Variants in NLGN4X observed in about 807,000 individuals in gnomAD.
NLGN4X encodes neuroligin 4 X-linked.
Under a neutral mutation model 40.3 loss-of-function variants are expected in NLGN4X, and 3 were observed. That is an observed-to-expected ratio of 0.07 (90% confidence interval 0.03 to 0.19). The LOEUF is 0.19. Ranked by LOEUF, NLGN4X falls within the 10% of genes least tolerant of loss-of-function variation. NLGN4X has a pLI of 1.00. For synonymous variants in NLGN4X, 270 were observed against 306.8 expected (o/e 0.88, Z 1.25); for missense variants, 382 against 708.3 (o/e 0.54, Z 5.23).
intron 2 of NLGN4X, among the ~76,000 whole-genome samples, chrX:6,141,672 A>G (rs1000225860): frequency 1.8e-5 from 2 of 109,593 alleles, no homozygotes; most frequent in African/African-American, 3.3e-5. Flanking sequence ...TACAAAAATT[A>G]CCTGGGTGTG....
intron 2 of NLGN4X, among the ~76,000 whole-genome samples, chrX:6,031,302 C>T (rs2036851574): frequency 9.0e-6 from 1 of 111,591 alleles, no homozygotes; most frequent in African/African-American, 3.3e-5. Context: ...GATAAAATGT[C>T]AGGCATTCAG....
intron 1 of NLGN4X, among the ~76,000 whole-genome samples, chrX:6,176,889 T>C (rs1920961714): frequency 8.9e-6 from 1 of 111,820 alleles, no homozygotes; most frequent in African/African-American, 3.3e-5. Context: ...ATACTAATGG[T>C]AACTATCAGG....
chrX:6,083,624 A>G (rs1178622182), intron 2 of NLGN4X, among the ~76,000 whole-genome samples: 1 of 112,153 alleles, frequency 8.9e-6, no homozygotes, highest in Admixed American at 9.4e-5. Context: ...ACAGGAAGAC[A>G]GCACATAGCT....
At chrX:6,050,617 ATATC>A (rs2037462092) in intron 2 of NLGN4X, among the ~76,000 whole-genome samples, 2 of 110,042 alleles carry the variant, frequency 1.8e-5, no homozygotes, top group African/African-American at 6.6e-5. Context: ...CTATCTACCT[ATATC>A]TATCATCTCT....
intron 2 of NLGN4X, among the ~76,000 whole-genome samples, chrX:6,127,691 C>T (rs954099075): frequency 5.3e-5 from 6 of 112,252 alleles, no homozygotes; most frequent in African/African-American, 1.6e-4. Context: ...ATGAGATTCC[C>T]ACCTCATTTC....
chrX:6,207,160 T>A (rs184907083), intron 1 of NLGN4X, among the ~76,000 whole-genome samples: 2 of 111,602 alleles, frequency 1.8e-5, no homozygotes, highest in Admixed American at 9.6e-5. Flanking sequence ...TTTATCATCA[T>A]ACAAAAATGA....
intron 4 of NLGN4X, among the ~76,000 whole-genome samples, chrX:5,906,345 G>C (rs1208423508): frequency 9.0e-6 from 1 of 111,436 alleles, no homozygotes; most frequent in Non-Finnish European, 1.9e-5. Context: ...AAAACATTAT[G>C]AACTAAAAAC....
chrX:5,952,060 T>C (rs1488526091), intron 3 of NLGN4X, among the ~76,000 whole-genome samples: 3 of 112,123 alleles, frequency 2.7e-5, no homozygotes, highest in Admixed American at 9.5e-5. Flanking sequence ...GGCCATTTTT[T>C]AGAAACATTA....
At chrX:6,200,930 G>T (rs981646973) in intron 1 of NLGN4X, among the ~76,000 whole-genome samples, 1 of 109,682 alleles carries the variant, frequency 9.1e-6, no homozygotes, top group Admixed American at 9.8e-5. Context: ...GAACTCCTGG[G>T]ATCAAGCAGT....
intron 1 of NLGN4X, among the ~76,000 whole-genome samples, chrX:6,163,672 C>G (rs1479182854): frequency 8.9e-6 from 1 of 111,919 alleles, no homozygotes; most frequent in Non-Finnish European, 1.9e-5. Flanking sequence ...GGCCAGAGGA[C>G]TTCTGTAAAG....
intron 3 of NLGN4X, among the ~76,000 whole-genome samples, chrX:5,948,767 G>T (rs144048483): frequency 0.017 from 1,889 of 111,818 alleles, 39 homozygotes; most frequent in African/African-American, 0.059. Context: ...CCATAATGTG[G>T]GGCTTCAAAC....
At chrX:5,905,498 AG>A (rs2032125689) in intron 4 of NLGN4X, among the ~76,000 whole-genome samples, 1 of 112,025 alleles carries the variant, frequency 8.9e-6, no homozygotes, top group Non-Finnish European at 1.9e-5. Flanking sequence ...ATTATTATTG[AG>A]TAAATACATA....
At chrX:6,050,190 T>C (rs2037446305) in intron 2 of NLGN4X, among the ~76,000 whole-genome samples, 1 of 112,004 alleles carries the variant, frequency 8.9e-6, no homozygotes, top group Admixed American at 9.4e-5. Context: ...CAACAATTAA[T>C]TCAATAATCA....
chrX:6,172,264 T>A (rs2040622893), intron 1 of NLGN4X, among the ~76,000 whole-genome samples: 1 of 112,242 alleles, frequency 8.9e-6, no homozygotes, highest in East Asian at 2.8e-4. Flanking sequence ...ATTCATTCAC[T>A]ATGGTGAGCC....
At chrX:5,923,833 T>C (rs2033167114) in intron 3 of NLGN4X, among the ~76,000 whole-genome samples, 1 of 111,592 alleles carries the variant, frequency 9.0e-6, no homozygotes. Context: ...ACCCATACCC[T>C]GAGCTAAATC....
At chrX:5,946,818 C>T (rs1355806458) in intron 3 of NLGN4X, among the ~76,000 whole-genome samples, 1 of 110,944 alleles carries the variant, frequency 9.0e-6, no homozygotes, top group Non-Finnish European at 1.9e-5. Context: ...TTTTCCTGAT[C>T]CTCTCCCTCT....
At chrX:6,180,944 T>C (rs763107172) in intron 1 of NLGN4X, among the ~76,000 whole-genome samples, 2 of 111,838 alleles carry the variant, frequency 1.8e-5, no homozygotes, top group Non-Finnish European at 3.8e-5. Flanking sequence ...CCTGCTTTTT[T>C]CTTTAAGTAA....
Position 5,890,080 on chromosome X carries a change from C to T in NLGN4X, c.*2737G>A. ...TGATATTTTATTATTAAAAATGCTGCTGAAAAGTTTATACATATGTGTCCG... is the reference window on the plus strand; with the variant it reads ...TGATATTTTATTATTAAAAATGCTGTTGAAAAGTTTATACATATGTGTCCG... On this transcript the variant is annotated 3_prime_UTR_variant, in exon 6 of 6. Transcript: ENST00000381095. The T allele has an allele frequency of 4.5e-6, 1 of 223,162 alleles. No individual in the cohort carries two copies. The highest frequency in any genetic ancestry group is 6.0e-5 in the Admixed American group (1 of 16,571). 18.4% of individuals were successfully genotyped at this position (223,162 alleles called of 1,213,427 possible). A position where few individuals can be genotyped will look rare whatever the true frequency, so the allele number is the denominator to read the frequency against.
chrX:5,898,179 A>C (rs1475626927), intron 5 of NLGN4X, among the ~76,000 whole-genome samples: 60 of 53,865 alleles, frequency 1.1e-3, no homozygotes, highest in African/African-American at 1.3e-3. Flanking sequence ...TCTTCCTTTC[A>C]CCTTCCCTCC....
Sources: gnomAD v4.1 joint callset for allele counts (sites outside exome capture counted in the v4.1 genomes callset) on GRCh38, gnomAD v4.1.1 for gene constraint, MANE v1.5 for transcripts, NCBI Gene and HGNC (gene_info 2026-07-23, HGNC 2026-07-21) for gene names.